Variants in RAB27B observed in about 807,000 individuals in gnomAD.
The protein encoded by RAB27B is ras-related protein Rab-27B.
RAB27B carries 15 observed loss-of-function variants against 24.6 expected under a neutral mutation model. The ratio of observed to expected loss-of-function variants is 0.61; its 90% confidence interval spans 0.41 to 0.94. RAB27B has a LOEUF of 0.94. Among genes scored for constraint, RAB27B ranks in the 40% least tolerant of loss-of-function variants. RAB27B has a pLI of 0.00. For missense variants in RAB27B, 261 were observed against 266.8 expected (o/e 0.98, Z 0.15); for synonymous variants, 105 against 92.5 (o/e 1.14, Z -0.78).
At chr18:54,834,683 G>A (rs3060038) in intron 1 of RAB27B, among the ~76,000 whole-genome samples, 24 of 60,554 alleles carry the variant, frequency 4.0e-4, no homozygotes, top group Admixed American at 9.0e-4. Context: ...GTATATATAT[G>A]TGTGTGTGTG....
intron 2 of RAB27B, among the ~76,000 whole-genome samples, chr18:54,774,572 A>G (rs1473818235): frequency 6.6e-6 from 1 of 152,244 alleles, no homozygotes; most frequent in African/African-American, 2.4e-5. Context: ...AAAAACTGGC[A>G]GTAAAAATGT....
intron 1 of RAB27B, among the ~76,000 whole-genome samples, chr18:54,864,964 A>G (rs546437222): frequency 6.6e-6 from 1 of 152,256 alleles, no homozygotes; most frequent in South Asian, 2.1e-4. Flanking sequence ...GAGGGATTAA[A>G]TTAAATGTGT....
chr18:54,738,707 CT>C (rs1042795106), intron 2 of RAB27B, among the ~76,000 whole-genome samples: 21 of 152,160 alleles, frequency 1.4e-4, no homozygotes, highest in African/African-American at 5.1e-4. Context: ...CCTTAAATCC[CT>C]TTTTAGAACA....
At chr18:54,835,187 A>T (rs1252897222) in intron 1 of RAB27B, among the ~76,000 whole-genome samples, 2 of 151,882 alleles carry the variant, frequency 1.3e-5, no homozygotes, top group Admixed American at 1.3e-4. Context: ...AGGGAAAGAG[A>T]AACTAGTCAT....
At chr18:54,769,647 A>C (rs560946972) in intron 2 of RAB27B, among the ~76,000 whole-genome samples, 2 of 152,174 alleles carry the variant, frequency 1.3e-5, no homozygotes, top group African/African-American at 4.8e-5. Flanking sequence ...AAGGACTTCC[A>C]TGTGATTGCT....
intron 2 of RAB27B, among the ~76,000 whole-genome samples, chr18:54,817,067 T>TA (rs1910145039): frequency 6.6e-6 from 1 of 152,148 alleles, no homozygotes; most frequent in Non-Finnish European, 1.5e-5. Context: ...TCTCAATTTT[T>TA]TAAAAAAATC....
intron 1 of RAB27B, among the ~76,000 whole-genome samples, chr18:54,837,651 G>A (rs1045984068): frequency 6.6e-6 from 1 of 152,040 alleles, no homozygotes; most frequent in African/African-American, 2.4e-5. Flanking sequence ...GAAAGAAGGA[G>A]GTGGAGTAAC....
chr18:54,802,164 A>C (rs1211487095), intron 2 of RAB27B, among the ~76,000 whole-genome samples: 1 of 152,238 alleles, frequency 6.6e-6, no homozygotes, highest in Non-Finnish European at 1.5e-5. Flanking sequence ...TAATCTTTAC[A>C]TTGTTTGCAA....
chr18:54,735,776 C>T (rs906223823), intron 2 of RAB27B, among the ~76,000 whole-genome samples: 4 of 152,160 alleles, frequency 2.6e-5, no homozygotes, highest in African/African-American at 9.7e-5. Flanking sequence ...CCCACCTTGG[C>T]CTCCCAAGGT....
intron 1 of RAB27B, among the ~76,000 whole-genome samples, chr18:54,867,444 T>TTTCTTTC (rs202092039): frequency 3.1e-5 from 3 of 96,946 alleles, no homozygotes; most frequent in Non-Finnish European, 4.5e-5. Context: ...TTTCTTTTCT[T>TTTCTTTC]TTTTTTTTTT....
At chr18:54,831,215 A>G (rs532638384) in intron 1 of RAB27B, among the ~76,000 whole-genome samples, 1 of 152,194 alleles carries the variant, frequency 6.6e-6, no homozygotes, top group Non-Finnish European at 1.5e-5. Context: ...AGCCTCACTG[A>G]GATGATATTT....
In RAB27B at chr18:54,791,223, GAAGA is replaced by G. The variant is rs535928109; in HGVS notation, c.-20+73091_-20+73094del. Among the ~76,000 whole-genome samples the G allele has an allele frequency of 1.2e-3, 190 of 152,140 alleles. 2 individuals carry two copies. Among genetic ancestry groups the G allele is most frequent in the African/African-American group, 4.3e-3 (179 of 41,534 alleles). ...TAAAAAAAGAAAAAAGAAAGAAGAAGAAGAAAGAAAGAGTAAAGAAAGGAAAAGA... is the reference window on the plus strand; with the variant it reads ...TAAAAAAAGAAAAAAGAAAGAAGAAGAAGAAAGAGTAAAGAAAGGAAAAGA... On this transcript the variant is annotated intron_variant, in intron 2 of 4. Transcript: ENST00000586570.
chr18:54,752,271 G>T (rs1027755659), intron 2 of RAB27B, among the ~76,000 whole-genome samples: 1 of 152,142 alleles, frequency 6.6e-6, no homozygotes, highest in Admixed American at 6.5e-5. Context: ...AGGCTTATGG[G>T]TGGTGACTCT....
intron 2 of RAB27B, among the ~76,000 whole-genome samples, chr18:54,820,334 T>C (rs2145165423): frequency 6.6e-6 from 1 of 152,348 alleles, no homozygotes; most frequent in Middle Eastern, 3.4e-3. Context: ...AGATGGTATC[T>C]CATTGTGGTT....
chr18:54,874,807 A>G (rs1242628262), intron 1 of RAB27B, among the ~76,000 whole-genome samples: 3 of 152,202 alleles, frequency 2.0e-5, no homozygotes, highest in East Asian at 1.9e-4. Flanking sequence ...GTTTCATCCA[A>G]TTCTACTAGT....
At chr18:54,837,336 G>A (rs1910935370) in intron 1 of RAB27B, among the ~76,000 whole-genome samples, 1 of 152,166 alleles carries the variant, frequency 6.6e-6, no homozygotes, top group Non-Finnish European at 1.5e-5. Flanking sequence ...GCATTAACCA[G>A]ACATTGGGGG....
intron 1 of RAB27B, among the ~76,000 whole-genome samples, chr18:54,830,992 G>C (rs1447080120): frequency 1.3e-5 from 2 of 152,164 alleles, no homozygotes; most frequent in African/African-American, 4.8e-5. Flanking sequence ...GCACTGTTCA[G>C]GGCTCTGTGT....
At chr18:54,870,578 G>A (rs9319921) in intron 1 of RAB27B, among the ~76,000 whole-genome samples, 147,845 of 152,268 alleles carry the variant, frequency 0.97, 71,924 homozygotes, top group East Asian at 1. Flanking sequence ...CTCTATTAAG[G>A]AAGGATATGA....
chr18:54,787,159 C>T (rs963347802), intron 2 of RAB27B, among the ~76,000 whole-genome samples: 6 of 152,184 alleles, frequency 3.9e-5, no homozygotes, highest in Admixed American at 1.3e-4. Context: ...CTCAGTTCTC[C>T]GAGGTTGGCT....
Sources: allele counts gnomAD v4.1 joint callset (sites outside exome capture counted in the v4.1 genomes callset), GRCh38; gene constraint gnomAD v4.1.1; transcripts MANE v1.5; gene names NCBI Gene and HGNC (gene_info 2026-07-23, HGNC 2026-07-21).